The following CRTAC1 variants were observed in gnomAD, a reference collection of about 807,000 sequenced individuals.
CRTAC1 encodes cartilage acidic protein 1, also known as acidic secreted protein in cartilage.
In CRTAC1, 37 loss-of-function variants were observed where a neutral mutation model predicts 67.8. The observed-to-expected ratio is 0.55, with a 90% CI of 0.42 to 0.72. The LOEUF (loss-of-function observed/expected upper bound fraction) is 0.72. CRTAC1 is among the 30% of genes least tolerant of loss of function. The pLI is 0.00. For synonymous variants in CRTAC1, 348 were observed against 371.0 expected, an observed-to-expected ratio of 0.94 and a Z score of 0.71; for missense variants, 780 against 931.6, an observed-to-expected ratio of 0.84 and a Z score of 2.12.
chr10:97,912,060 A>G (rs573637430), intron 5 of CRTAC1, among the ~76,000 whole-genome samples: 2 of 152,270 alleles, frequency 1.3e-5, no homozygotes, highest in Admixed American at 1.3e-4. Context: ...CCTTGGGCTC[A>G]TCACTGAACC....
intron 2 of CRTAC1, among the ~76,000 whole-genome samples, chr10:97,959,615 G>A (rs1192946482): frequency 6.6e-6 from 1 of 152,188 alleles, no homozygotes; most frequent in Non-Finnish European, 1.5e-5. Context: ...TGTTTGCAAG[G>A]TGTGTGGTTT....
intron 11 of CRTAC1, among the ~76,000 whole-genome samples, chr10:97,889,517 A>G (rs567515987): frequency 5.5e-4 from 83 of 152,010 alleles, no homozygotes; most frequent in Non-Finnish European, 1.1e-3. Context: ...AGATGTCGCT[A>G]TGAGAGCTCT....
chr10:98,002,389 A>G (rs1411816727), intron 2 of CRTAC1, among the ~76,000 whole-genome samples: 1 of 152,238 alleles, frequency 6.6e-6, no homozygotes, highest in Non-Finnish European at 1.5e-5. Context: ...ACAAAAACAA[A>G]TAAGCCTAAA....
chr10:98,000,819 C>G (rs479279), intron 2 of CRTAC1, among the ~76,000 whole-genome samples: 21,345 of 152,226 alleles, frequency 0.14, 1,674 homozygotes, highest in African/African-American at 0.21. Flanking sequence ...AACAAAATAA[C>G]AGAAACAAGT....
Position 97,865,717 on chromosome 10 carries a change from G to A in CRTAC1, c.1820-3C>T, listed in dbSNP as rs1193368575. On this transcript the variant is annotated splice_region_variant and splice_polypyrimidine_tract_variant and intron_variant, in intron 14 of 14. Transcript: ENST00000370597. ...GCCCGGTGACTGGCCGAGAGTCCCT[G>A]TAGGGAGGTGTATGGCCGGAGTGAG... is the stretch of plus-strand genomic sequence containing the variant. 6.3e-7 allele frequency: 1 copy of A among 1,593,332 alleles called. No individual in the cohort carries two copies. The highest frequency in any genetic ancestry group is 1.1e-5 in the South Asian group (1 of 88,944).
chr10:98,025,101 T>C (rs1197907428), intron 1 of CRTAC1, among the ~76,000 whole-genome samples: 1 of 152,118 alleles, frequency 6.6e-6, no homozygotes, highest in Non-Finnish European at 1.5e-5. Context: ...TGCTTCCCTC[T>C]CCTCTCTGGA....
intron 12 of CRTAC1, among the ~76,000 whole-genome samples, chr10:97,883,374 G>T (rs1219377328): frequency 2.0e-5 from 3 of 152,238 alleles, no homozygotes; most frequent in African/African-American, 7.2e-5. Flanking sequence ...TTGGGAGCCG[G>T]CCCTGCCAGG....
chr10:97,920,701 C>T (rs2136592848), intron 4 of CRTAC1, among the ~76,000 whole-genome samples: 1 of 152,354 alleles, frequency 6.6e-6, no homozygotes, highest in Non-Finnish European at 1.5e-5. Context: ...GCTCCTCGTC[C>T]TCGGGCAAAT....
intron 14 of CRTAC1, chr10:97,866,180 C>T (rs1484638653): frequency 6.3e-6 from 1 of 157,742 alleles, no homozygotes; most frequent in African/African-American, 2.4e-5. Flanking sequence ...TTCTCATGCC[C>T]CTGCAGGGCC....
At chr10:97,891,667 C>T (rs1158214317) in intron 11 of CRTAC1, among the ~76,000 whole-genome samples, 3 of 152,368 alleles carry the variant, frequency 2.0e-5, no homozygotes, top group East Asian at 3.9e-4. Flanking sequence ...AGGTTCACCT[C>T]TGTCTTTCTG....
At chr10:98,002,907 T>G (rs373204436) in intron 2 of CRTAC1, among the ~76,000 whole-genome samples, 1 of 150,448 alleles carries the variant, frequency 6.6e-6, no homozygotes, top group East Asian at 2.0e-4. Flanking sequence ...GCCTCCAGAG[T>G]AGCTGGGACT....
chr10:97,911,384 C>T (rs1396525810), intron 5 of CRTAC1, among the ~76,000 whole-genome samples: 2 of 152,210 alleles, frequency 1.3e-5, no homozygotes, highest in African/African-American at 4.8e-5. Context: ...CATTTGTAAC[C>T]TGTAATTACT....
chr10:97,913,686 C>A (rs889551649), intron 5 of CRTAC1, among the ~76,000 whole-genome samples: 3 of 152,198 alleles, frequency 2.0e-5, no homozygotes, highest in African/African-American at 7.2e-5. Context: ...CCCTAGCAGG[C>A]CCGTGCTGCA....
chr10:98,026,760 G>A (rs1843241409), intron 1 of CRTAC1, among the ~76,000 whole-genome samples: 2 of 152,188 alleles, frequency 1.3e-5, no homozygotes, highest in South Asian at 4.1e-4. Flanking sequence ...AGAGGATTCC[G>A]CCTCTCAGAA....
chr10:97,999,665 C>T (rs1263702550), intron 2 of CRTAC1, among the ~76,000 whole-genome samples: 6 of 152,182 alleles, frequency 3.9e-5, no homozygotes, highest in African/African-American at 1.2e-4. Context: ...GCAGGGAGGG[C>T]CTGACGGCTG....
At chr10:97,877,928 T>G (rs915717620) in intron 14 of CRTAC1, among the ~76,000 whole-genome samples, 2 of 152,266 alleles carry the variant, frequency 1.3e-5, no homozygotes, top group Non-Finnish European at 2.9e-5. Flanking sequence ...TGCTGTTGTG[T>G]ATGGACAGTC....
At chr10:98,013,604 C>A (rs1190446442) in intron 1 of CRTAC1, among the ~76,000 whole-genome samples, 1 of 152,170 alleles carries the variant, frequency 6.6e-6, no homozygotes, top group Non-Finnish European at 1.5e-5. Context: ...TGGGTCTCAG[C>A]TTTCTTCTCC....
intron 14 of CRTAC1, among the ~76,000 whole-genome samples, chr10:97,873,304 T>G (rs765288029): frequency 6.6e-6 from 1 of 152,108 alleles, no homozygotes; most frequent in Non-Finnish European, 1.5e-5. Context: ...AGAACGAACA[T>G]GGCATTTTGG....
At chr10:97,874,132 G>A (rs1159702696) in intron 14 of CRTAC1, among the ~76,000 whole-genome samples, 1 of 152,234 alleles carries the variant, frequency 6.6e-6, no homozygotes, top group Non-Finnish European at 1.5e-5. Flanking sequence ...CGGCAACCCG[G>A]CAGGAAAAAG....
Sources: gnomAD v4.1 joint callset for allele counts (sites outside exome capture counted in the v4.1 genomes callset) on GRCh38, gnomAD v4.1.1 for gene constraint, MANE v1.5 for transcripts, NCBI Gene and HGNC (gene_info 2026-07-23, HGNC 2026-07-21) for gene names.